The following WDR97 variants were observed in gnomAD, a reference collection of about 807,000 sequenced individuals.
WDR97 encodes the protein WD repeat-containing protein 97.
A neutral mutation model predicts 65.4 loss-of-function variants in WDR97; 111 were observed. The observed-to-expected ratio is 1.70, with a 90% CI of 1.45 to 1.99. The LOEUF (loss-of-function observed/expected upper bound fraction) is 1.99, where lower values mean the gene tolerates loss of function less well. Among genes scored for constraint, WDR97 ranks in the 30% most tolerant of loss-of-function variants. The probability of loss-of-function intolerance (pLI) is 0.00; values close to 1 mark genes in which losing one functional copy is unlikely to be tolerated. For synonymous variants in WDR97, 802 were observed against 397.7 expected (o/e 2.02, Z -12.10); for missense variants, 1,674 against 865.0 (o/e 1.94, Z -11.73).
intron 2 of WDR97, 27 bp downstream of exon 2, chr8:144,108,222 T>A: frequency 1.4e-6 from 1 of 696,938 alleles, no homozygotes; most frequent in Non-Finnish European, 2.6e-6. Context: ...CTGCGCCTCC[T>A]GGCCTCTTTC....
chr8:144,108,818 G>C lies in WDR97; in HGVS notation c.752G>C (p.Arg251Pro), dbSNP rs1430979259. ...CCGAGCCCAACAGGCAGGCTCATGC[G>C]TCTGGCTGTGGCGCCGGTTCCTCCC... The part of the protein sequence containing the change: ...PPPSPTGRLM[R>P]LAVAPVPPHH... Residue 251 changes from arginine (R) to proline (P), a missense_variant, in exon 3 of 24, where the codon CGT becomes CCT. Transcript: ENST00000323662. 7 of 702,674 alleles carry C rather than the reference G, an allele frequency of 1.0e-5. No homozygotes were observed. Among genetic ancestry groups the C allele is most frequent in the Non-Finnish European group, 1.8e-5 (7 of 384,904 alleles). The allele number at this position is 702,674 out of a possible 1,614,324, so 43.5% of individuals were successfully genotyped here. A position where few individuals can be genotyped will look rare whatever the true frequency, so the allele number is the denominator to read the frequency against.
In WDR97 at chr8:144,108,560, G is replaced by A. The variant is rs939683556; in HGVS notation, c.494G>A (p.Arg165His). 4.3e-6 allele frequency: 3 copies of A among 700,864 alleles called. No individual in the cohort carries two copies. Among genetic ancestry groups the A allele is most frequent in the Non-Finnish European group, 7.8e-6 (3 of 384,492 alleles). The allele number at this position is 700,864 out of a possible 1,614,324, so 43.4% of individuals were successfully genotyped here. A position where few individuals can be genotyped will look rare whatever the true frequency, so the allele number is the denominator to read the frequency against. ...TVLGPLGAVG[R>H]FVGWGPAGLA... Reference sequence around the variant, plus strand: ...CTGGGCCCGCTGGGTGCCGTGGGCCGTTTTGTAGGCTGGGGCCCCGCGGGG... The same window carrying A: ...CTGGGCCCGCTGGGTGCCGTGGGCCATTTTGTAGGCTGGGGCCCCGCGGGG... The change falls in exon 3 of 24, where the codon CGT (arginine) becomes CAT (histidine). Residue 165 changes from arginine (R) to histidine (H), a missense_variant. Coordinates refer to ENST00000323662, the MANE Select transcript of WDR97 (RefSeq NM_001316309.2).
rs1409234831 is a variant in WDR97 at position 144,108,890 on chromosome 8, C to T, written c.824C>T (p.Thr275Ile). 5.7e-6 allele frequency: 4 copies of T among 702,926 alleles called. No individual in the cohort carries two copies. Among genetic ancestry groups the T allele is most frequent in the Admixed American group, 2.0e-5 (1 of 50,014 alleles). The allele number at this position is 702,926 out of a possible 1,614,324, so 43.5% of individuals were successfully genotyped here. Reference sequence around the variant, plus strand: ...GCGGCCTATGGCTCGGCCGTGCTCACCTTCGATCTGCATGCCTGGACTCTC... The same window carrying T: ...GCGGCCTATGGCTCGGCCGTGCTCATCTTCGATCTGCATGCCTGGACTCTC... ...CFAAYGSAVLTFDLHAWTLVD... is the reference protein window; with the variant it reads ...CFAAYGSAVLIFDLHAWTLVD... Residue 275 changes from threonine to isoleucine, a missense_variant, in exon 3 of 24, where the codon ACC becomes ATC. Transcript: ENST00000323662.
At position 144,117,960 on chromosome 8, in the gene WDR97, G is replaced by C. The variant is rs1403729349; in HGVS notation, c.*1667G>C. ...GACAGCAAAGGCAGGGGAAAGTCCTGCCTTGGGGAGAAAAAGGAGGGTGGG... is the reference window on the plus strand; with the variant it reads ...GACAGCAAAGGCAGGGGAAAGTCCTCCCTTGGGGAGAAAAAGGAGGGTGGG... On this transcript the variant is annotated 3_prime_UTR_variant, in exon 24 of 24. Coordinates refer to ENST00000323662, the MANE Select transcript of WDR97 (RefSeq NM_001316309.2). 1.3e-5 allele frequency: 2 copies of C among 152,204 alleles called. No individual in the cohort carries two copies. The allele number at this position is 152,204 out of a possible 1,614,324, so 9.4% of individuals were successfully genotyped here. A position where few individuals can be genotyped will look rare whatever the true frequency, so the allele number is the denominator to read the frequency against.
At position 144,111,623 on chromosome 8, in the gene WDR97, CT is replaced by C; in HGVS notation, c.2488-8del. ...GGAAGAGCAGGCTGATCCCTGAACC[CT>C]GACTCAGGACTTGGACGCCATAGTG... is the stretch of plus-strand genomic sequence containing the variant. On this transcript the variant is annotated splice_region_variant and splice_polypyrimidine_tract_variant and intron_variant, in intron 11 of 23. Transcript: ENST00000323662. 1 of 683,434 alleles carries C rather than the reference CT, an allele frequency of 1.5e-6. No individual in the cohort carries two copies. Among genetic ancestry groups the C allele is most frequent in the Non-Finnish European group, 2.7e-6 (1 of 374,368 alleles). The allele number at this position is 683,434 out of a possible 1,614,324, so 42.3% of individuals were successfully genotyped here. A position where few individuals can be genotyped will look rare whatever the true frequency, so the allele number is the denominator to read the frequency against.
chr8:144,111,338 C>G, intron 10 of WDR97, 88 bp from the exon 11 acceptor site: 1 of 702,758 alleles, frequency 1.4e-6, no homozygotes, highest in South Asian at 1.5e-5. Flanking sequence ...CCTGGCACAC[C>G]CGTTTGGGGT....
rs1264269228 is a variant in WDR97, at chr8:144,108,587, T to G, written c.521T>G (p.Leu174Arg). The G allele has an allele frequency of 1.4e-6, 1 of 700,786 alleles. No homozygotes were observed. Among genetic ancestry groups the G allele is most frequent in the Admixed American group, 2.0e-5 (1 of 49,986 alleles). 43.4% of individuals were successfully genotyped at this position (700,786 alleles called of 1,614,324 possible). A position where few individuals can be genotyped will look rare whatever the true frequency, so the allele number is the denominator to read the frequency against. ...GRFVGWGPAG[L>R]AILRPNLSLL... ...TTTGTAGGCTGGGGCCCCGCGGGGC[T>G]GGCAATTCTGAGGCCCAACCTCAGC... Residue 174 changes from leucine to arginine, a missense_variant, in exon 3 of 24, where the codon CTG becomes CGG. Leu to Arg is a moderately radical substitution (Grantham distance 102). Coordinates refer to ENST00000323662, the MANE Select transcript of WDR97 (RefSeq NM_001316309.2).
rs1002414907 is a variant in WDR97, at chr8:144,113,835, G to A, written c.3362G>A (p.Ser1121Asn). 1.0e-5 allele frequency: 7 copies of A among 700,324 alleles called. No homozygotes were observed. The highest frequency in any genetic ancestry group is 1.8e-5 in the Non-Finnish European group (7 of 383,346). The allele number at this position is 700,324 out of a possible 1,614,324, so 43.4% of individuals were successfully genotyped here. Residue 1121 changes from serine (S) to asparagine (N), a missense_variant, in exon 17 of 24, where the codon AGC (serine) becomes AAC (asparagine). Physicochemically the swap from Ser to Asn is conservative, Grantham distance 46 (BLOSUM62 1). Coordinates refer to ENST00000323662, the MANE Select transcript of WDR97 (RefSeq NM_001316309.2). The stretch of plus-strand genomic sequence containing the variant: ...CTGGACTGGGCCTTGGCTTCCCTGA[G>A]CCCGCACTCCAACCAGCAGCTGGAT... ...EELDWALASL[S>N]PHSNQQLDSW... is the part of the protein sequence containing the mutation.
rs985722202 is a variant in WDR97 at position 144,115,023 on chromosome 8, C to T, written c.4077+112C>T. The T allele has an allele frequency of 9.9e-6, 6 of 607,584 alleles. No homozygotes were observed. In the East Asian group the frequency reaches 1.6e-4, roughly 17 times the overall value. The allele number at this position is 607,584 out of a possible 1,614,324, so 37.6% of individuals were successfully genotyped here. ...GCCACAGGCTCCTTCCTTGCCTTGC[C>T]CAGTCCTGGGCCTCCAGCCTCCCTG... On this transcript the variant is annotated intron_variant, in intron 21 of 23. Transcript: ENST00000323662.
rs1278998328 is a variant in WDR97, at chr8:144,111,733, G to A, written c.2589G>A (p.Gln863=). 1.0e-5 allele frequency: 7 copies of A among 694,522 alleles called. No homozygotes were observed. The highest frequency in any genetic ancestry group is 8.8e-5 in the African/African-American group (5 of 56,972). The allele number at this position is 694,522 out of a possible 1,614,324, so 43.0% of individuals were successfully genotyped here. A position where few individuals can be genotyped will look rare whatever the true frequency, so the allele number is the denominator to read the frequency against. The change falls in exon 12 of 24, where the codon CAG becomes CAA. Residue 863 remains glutamine (Q), a synonymous_variant. Coordinates refer to ENST00000323662, the MANE Select transcript of WDR97 (RefSeq NM_001316309.2). The part of the protein sequence containing the change: ...AQPPPSWQQR[Q]EGFDNYLRLI... The stretch of plus-strand genomic sequence containing the variant: ...CCCCACCCTCCTGGCAGCAGCGCCA[G>A]GAAGGCTTTGACAATTACCTCCGTC...
chr8:144,111,498 C>T lies in WDR97; in HGVS notation c.2487+12C>T, dbSNP rs1210579834. 3 of 702,030 alleles carry T rather than the reference C, an allele frequency of 4.3e-6. No individual in the cohort carries two copies. Among genetic ancestry groups the T allele is most frequent in the African/African-American group, 3.5e-5 (2 of 57,248 alleles). The allele number at this position is 702,030 out of a possible 1,614,324, so 43.5% of individuals were successfully genotyped here. Reference sequence around the variant, plus strand: ...TGGTGCCGAAGGAGGTGGGGTGGGTCCTCCTTAGCCCGCCCTGCCCCGGCT... The same window carrying T: ...TGGTGCCGAAGGAGGTGGGGTGGGTTCTCCTTAGCCCGCCCTGCCCCGGCT... On this transcript the variant is annotated intron_variant, in intron 11 of 23. Transcript: ENST00000323662.
At position 144,109,296 on chromosome 8, in the gene WDR97, T is replaced by C. The variant is rs1451596917; in HGVS notation, c.1001-39T>C. The C allele has an allele frequency of 7.1e-6, 5 of 699,446 alleles. No individual in the cohort carries two copies. In the East Asian group the frequency reaches 8.1e-5, roughly 11 times the overall value. 43.3% of individuals were successfully genotyped at this position (699,446 alleles called of 1,614,324 possible). On this transcript the variant is annotated intron_variant, in intron 4 of 23. Transcript: ENST00000323662. ...CTGCAACACAGGCTGAAGGCTCCCC[T>C]GCCTTCAGTCGGCCGAGTGACCTGC...
Position 144,107,740 on chromosome 8 carries a change from C to G in WDR97, c.-11C>G. ...TGGGAGCTGTTGGGCTCTGGGACCGCAGTTGCTGAAATGGAGGCAGAGGTG... is the reference window on the plus strand; with the variant it reads ...TGGGAGCTGTTGGGCTCTGGGACCGGAGTTGCTGAAATGGAGGCAGAGGTG... On this transcript the variant is annotated 5_prime_UTR_variant, in exon 1 of 24. Coordinates refer to ENST00000323662, the MANE Select transcript of WDR97 (RefSeq NM_001316309.2). 1.4e-6 allele frequency: 1 copy of G among 702,832 alleles called. No homozygotes were observed. Among genetic ancestry groups the G allele is most frequent in the East Asian group, 2.7e-5 (1 of 37,292 alleles). 43.5% of individuals were successfully genotyped at this position (702,832 alleles called of 1,614,324 possible). A position where few individuals can be genotyped will look rare whatever the true frequency, so the allele number is the denominator to read the frequency against.
Position 144,108,393 on chromosome 8 carries a change from G to A in WDR97, c.327G>A (p.Gly109=). The A allele has an allele frequency of 1.4e-6, 1 of 697,972 alleles. No homozygotes were observed. The highest frequency in any genetic ancestry group is 2.6e-6 in the Non-Finnish European group (1 of 383,146). The allele number at this position is 697,972 out of a possible 1,614,324, so 43.2% of individuals were successfully genotyped here. The change falls in exon 3 of 24, where the codon GGG becomes GGA. Residue 109 remains glycine, a synonymous_variant. Transcript: ENST00000323662. ...TGCGCCGCCTGGAGGTGGCAGCCGG[G>A]CTGCGCTCGGTGGCGCAGGACCCGG... The part of the protein sequence containing the change: ...EPLRRLEVAA[G]LRSVAQDPVG...
chr8:144,115,718 C>T lies in WDR97; in HGVS notation c.4455C>T (p.Asp1485=). The T allele has an allele frequency of 1.4e-6, 1 of 701,748 alleles. No homozygotes were observed. Among genetic ancestry groups the T allele is most frequent in the South Asian group, 1.5e-5 (1 of 67,530 alleles). 43.5% of individuals were successfully genotyped at this position (701,748 alleles called of 1,614,324 possible). ...HSQLLDLGPI[D]ALNFFCEQLR... ...AGCTGCTGGACTTGGGCCCCATCGA[C>T]GCGCTCAACTTCTTCTGTGAGCAGC... The change falls in exon 22 of 24, where the codon GAC becomes GAT. Residue 1485 remains aspartate (D), a synonymous_variant. Transcript: ENST00000323662.
intron 6 of WDR97, 30 bp downstream of exon 6, chr8:144,110,286 C>T (rs760435691): frequency 1.4e-5 from 10 of 701,876 alleles, no homozygotes; most frequent in Non-Finnish European, 2.6e-5. Flanking sequence ...AAGGCCAGGC[C>T]GCCACAGAGC....
intron 15 of WDR97, 118 bp downstream of exon 15, chr8:144,112,648 C>T (rs903772930): frequency 4.5e-6 from 3 of 664,946 alleles, no homozygotes; most frequent in Non-Finnish European, 8.3e-6. Flanking sequence ...GCCATGCCCA[C>T]CTACAACCAG....
Position 144,109,963 on chromosome 8 carries a change from G to A in WDR97, c.1629G>A (p.Trp543Ter). Reference sequence around the variant, plus strand: ...ATCTCGAAGGCGCCTTCTCCTCCTGGGAGATCGTGCGCCAGCACTGGGGCG... The same window carrying A: ...ATCTCGAAGGCGCCTTCTCCTCCTGAGAGATCGTGCGCCAGCACTGGGGCG... ...LTDLEGAFSS[W>*]EIVRQHWGEL... Residue 543 changes from tryptophan (W) to a stop codon, truncating the protein, a stop_gained, in exon 5 of 24, where the codon TGG becomes TGA. Transcript: ENST00000323662. LOFTEE classifies it high-confidence loss of function. 2 of 701,928 alleles carry A rather than the reference G, an allele frequency of 2.8e-6. No individual in the cohort carries two copies. Among genetic ancestry groups the A allele is most frequent in the South Asian group, 1.5e-5 (1 of 67,548 alleles). The allele number at this position is 701,928 out of a possible 1,614,324, so 43.5% of individuals were successfully genotyped here. A position where few individuals can be genotyped will look rare whatever the true frequency, so the allele number is the denominator to read the frequency against.
chr8:144,108,314 A>G lies in WDR97; in HGVS notation c.250-2A>G. ...TGCGGGCCCGCCCACCCCGGCCCAC[A>G]GGAGAAGAGAGCCGAGCTGCGCGCG... On this transcript the variant is annotated splice_acceptor_variant, in intron 2 of 23. Transcript: ENST00000323662. LOFTEE classifies it high-confidence loss of function. 3 of 691,132 alleles carry G rather than the reference A, an allele frequency of 4.3e-6. No homozygotes were observed. The highest frequency in any genetic ancestry group is 3.0e-5 in the South Asian group (2 of 66,328). The allele number at this position is 691,132 out of a possible 1,614,324, so 42.8% of individuals were successfully genotyped here.
Sources: gnomAD v4.1 joint callset for allele counts on GRCh38, gnomAD v4.1.1 for gene constraint, MANE v1.5 for transcripts, NCBI Gene and HGNC (gene_info 2026-07-23, HGNC 2026-07-21) for gene names.